The following GARNL3 variants were observed in gnomAD, a reference collection of about 807,000 sequenced individuals.
The protein encoded by GARNL3 is GTPase-activating Rap/Ran-GAP domain-like protein 3.
In GARNL3, 63 loss-of-function variants were observed where a neutral mutation model predicts 125.0. That is an observed-to-expected ratio of 0.50 (90% CI 0.41 to 0.62). The LOEUF (loss-of-function observed/expected upper bound fraction) is 0.62, where lower values mean the gene tolerates loss of function less well. GARNL3 is among the 20% of genes least tolerant of loss of function. The pLI, the probability that GARNL3 is intolerant of heterozygous loss-of-function variation, is 0.00. For missense variants in GARNL3, 994 were observed against 1,244.0 expected, an observed-to-expected ratio of 0.80 and a Z score of 3.02; for synonymous variants, 439 against 457.5, an observed-to-expected ratio of 0.96 and a Z score of 0.52.
rs1377755393 is a variant in GARNL3 at position 127,385,775 on chromosome 9, C to G, written c.2388+630C>G. ...CTGTTCCCTTCCCTGGTCCTGACAT[C>G]CATCACATTTGGTGGTAGGTGACTG... On this transcript the variant is annotated intron_variant, in intron 24 of 27. Transcript: ENST00000373387. This position sits in a 1 kb window ranked among gnomAD's most constrained non-coding sequence, Gnocchi z 4.1. Among the ~76,000 whole-genome samples, 2 of 152,176 alleles carry G rather than the reference C, an allele frequency of 1.3e-5. No individual in the cohort carries two copies. Among genetic ancestry groups the G allele is most frequent in the African/African-American group, 4.8e-5 (2 of 41,430 alleles).
upstream of GARNL3, chr9:127,263,928 G>C: frequency 3.3e-6 from 5 of 1,501,836 alleles, no homozygotes; most frequent in Non-Finnish European, 4.4e-6. Context: ...ATCAGAGTCA[G>C]TCTCTTTCTG....
chr9:127,329,013 C>T (rs1393654882), intron 7 of GARNL3, among the ~76,000 whole-genome samples: 1 of 152,186 alleles, frequency 6.6e-6, no homozygotes, highest in Admixed American at 6.5e-5. Flanking sequence ...ACCTTGAGAG[C>T]TCTGAATGGC....
At chr9:127,244,534 C>T (rs2063262760) in intron 2 of GARNL3, among the ~76,000 whole-genome samples, 1 of 152,168 alleles carries the variant, frequency 6.6e-6, no homozygotes, top group Admixed American at 6.5e-5. Context: ...GACATAAGAA[C>T]TCGTATTTTT....
At chr9:127,371,883 A>G (rs755528729) in intron 22 of GARNL3, among the ~76,000 whole-genome samples, 3 of 152,262 alleles carry the variant, frequency 2.0e-5, no homozygotes, top group African/African-American at 4.8e-5. Context: ...CAATAGCAAA[A>G]TAAGAGTCTT....
intron 7 of GARNL3, among the ~76,000 whole-genome samples, chr9:127,329,762 C>A (rs950441712): frequency 6.6e-6 from 1 of 152,074 alleles, no homozygotes; most frequent in Non-Finnish European, 1.5e-5. Flanking sequence ...GTTCCAGCTC[C>A]GGTCCTACCG....
chr9:127,372,058 G>A (rs1262594187), intron 22 of GARNL3, among the ~76,000 whole-genome samples: 6 of 152,164 alleles, frequency 3.9e-5, no homozygotes, highest in African/African-American at 7.2e-5. Flanking sequence ...TCAGCCTCCC[G>A]AGTAGCTGGG....
rs143709751 is a variant in GARNL3, at chr9:127,243,115, G to A, written c.9G>A (p.Pro3=). Residue 3 remains proline (P), a synonymous_variant, in exon 2 of 11, where the codon CCG becomes CCA. Transcript: ENST00000439286. ...AGCCTCCAGGCCCACTGATGGACCC[G>A]TTAACGAAGGTGCCTTGTGGGAGTC... 3,472 of 1,364,114 alleles carry A rather than the reference G, an allele frequency of 2.5e-3. 56 individuals are homozygous for A. The African/African-American group carries it at 0.038, about 15-fold the overall frequency. 84.5% of individuals were successfully genotyped at this position (1,364,114 alleles called of 1,614,324 possible).
chr9:127,324,371 A>G (rs2065498524), intron 6 of GARNL3, among the ~76,000 whole-genome samples: 1 of 152,210 alleles, frequency 6.6e-6, no homozygotes, highest in Non-Finnish European at 1.5e-5. Context: ...CAGAATTGCC[A>G]TGTCTCCAGT....
At chr9:127,238,081 A>G (rs553503037) in intron 1 of GARNL3, among the ~76,000 whole-genome samples, 55 of 152,304 alleles carry the variant, frequency 3.6e-4, no homozygotes, top group African/African-American at 1.3e-3. Context: ...TGTTCTCCCT[A>G]TGCCAGACGA....
At position 127,354,387 on chromosome 9, in the gene GARNL3, A is replaced by T; in HGVS notation, c.1736A>T (p.Glu579Val). The part of the protein sequence containing the change: ...QAGKSRSDCR[E>V]NKLEKTKGCH... ...GGGAAGAGCAGGTCTGACTGCAGAG[A>T]AAACAAGTTGGAGAAAACAAAAGGT... The change falls in exon 19 of 28, where the codon GAA becomes GTA. Residue 579 changes from glutamate (E) to valine (V), a missense_variant. Coordinates refer to ENST00000373387, the MANE Select transcript of GARNL3 (RefSeq NM_032293.5). 1 of 1,611,864 alleles carries T rather than the reference A, an allele frequency of 6.2e-7. No individual in the cohort carries two copies. The highest frequency in any genetic ancestry group is 1.3e-5 in the African/African-American group (1 of 74,974).
intron 1 of GARNL3, among the ~76,000 whole-genome samples, chr9:127,276,454 ATTGT>A (rs1057006856): frequency 2.0e-5 from 3 of 150,658 alleles, no homozygotes; most frequent in Non-Finnish European, 2.9e-5. Flanking sequence ...TGCCTCCAGC[ATTGT>A]TCTTACTATA....
intron 1 of GARNL3, among the ~76,000 whole-genome samples, chr9:127,236,177 AC>A (rs1389365961): frequency 2.0e-5 from 3 of 152,226 alleles, no homozygotes; most frequent in Non-Finnish European, 4.4e-5. Flanking sequence ...TGGACTCAGT[AC>A]CTGAAAGTAC....
rs535679251 is a variant in GARNL3 at position 127,393,388 on chromosome 9, C to T, written c.*134C>T. The T allele has an allele frequency of 1.2e-4, 84 of 693,736 alleles. No homozygotes were observed. The South Asian group carries it at 1.5e-3, about 12-fold the overall frequency. 43.0% of individuals were successfully genotyped at this position (693,736 alleles called of 1,614,324 possible). On this transcript the variant is annotated 3_prime_UTR_variant, in exon 28 of 28. Transcript: ENST00000373387. ...TCTATTGGACCAAACCTTCTGCACA[C>T]TCGGCCAGTTCCCTCTCCAATGTCC...
chr9:127,306,334 G>A (rs191032282), intron 2 of GARNL3, among the ~76,000 whole-genome samples: 3 of 151,870 alleles, frequency 2.0e-5, no homozygotes, highest in Admixed American at 1.3e-4. Context: ...TGTAATCCCA[G>A]CACTTTGGGA....
chr9:127,308,642 A>G (rs1183827904), intron 2 of GARNL3, among the ~76,000 whole-genome samples: 1 of 152,230 alleles, frequency 6.6e-6, no homozygotes, highest in African/African-American at 2.4e-5. Context: ...AAGAAACACA[A>G]TGAAATGATC....
chr9:127,336,638 TG>T (rs1301455661), intron 11 of GARNL3, among the ~76,000 whole-genome samples: 1 of 152,234 alleles, frequency 6.6e-6, no homozygotes, highest in Non-Finnish European at 1.5e-5. Context: ...ATTTAAGCCC[TG>T]GTAATCGCTG....
chr9:127,351,329 G>A (rs4837141), intron 17 of GARNL3, among the ~76,000 whole-genome samples: 23,308 of 152,052 alleles, frequency 0.15, 2,408 homozygotes, highest in South Asian at 0.36. Context: ...TGATTTGCCA[G>A]GAAATTCTTT....
intron 2 of GARNL3, among the ~76,000 whole-genome samples, chr9:127,247,907 G>A (rs1378722199): frequency 6.6e-6 from 1 of 152,032 alleles, no homozygotes; most frequent in Admixed American, 6.6e-5. Flanking sequence ...ATTAATTAAA[G>A]CTTACCACTA....
chr9:127,306,661 A>G (rs982126175), intron 2 of GARNL3, among the ~76,000 whole-genome samples: 2 of 150,966 alleles, frequency 1.3e-5, no homozygotes, highest in African/African-American at 4.9e-5. Flanking sequence ...CGGGAGGTGG[A>G]GCTTTCAGTG....
Sources: gnomAD v4.1 joint callset for allele counts (sites outside exome capture counted in the v4.1 genomes callset) on GRCh38, gnomAD v4.1.1 for gene constraint, Gnocchi (gnomAD v3.1) non-coding constraint, MANE v1.5 for transcripts, NCBI Gene and HGNC (gene_info 2026-07-23, HGNC 2026-07-21) for gene names.